C1QTNF7: variants seen among roughly 807,000 people sequenced by gnomAD.
C1QTNF7 encodes C1q and TNF related 7.
A neutral mutation model predicts 19.6 loss-of-function variants in C1QTNF7; 15 were observed. That is an observed-to-expected ratio of 0.76 (90% CI 0.51 to 1.18). The LOEUF (loss-of-function observed/expected upper bound fraction) is 1.18, where lower values mean the gene tolerates loss of function less well. C1QTNF7 is among the 50% of genes most tolerant of loss of function. The probability of loss-of-function intolerance (pLI) is 0.00; values close to 1 mark genes in which losing one functional copy is unlikely to be tolerated. For synonymous variants in C1QTNF7, 142 were observed against 137.5 expected (o/e 1.03, Z -0.23); for missense variants, 324 against 359.7 (o/e 0.90, Z 0.80).
At chr4:15,395,247 C>T (rs942487158) in intron 1 of C1QTNF7, among the ~76,000 whole-genome samples, 1 of 152,130 alleles carries the variant, frequency 6.6e-6, no homozygotes, top group African/African-American at 2.4e-5. Context: ...TTGTCTGGTG[C>T]CTGGCCCTGG....
chr4:15,435,598 T>A, intron 1 of C1QTNF7, 138 bp from the exon 2 acceptor site: 1 of 1,240,184 alleles, frequency 8.1e-7, no homozygotes, highest in Non-Finnish European at 1.1e-6. Context: ...GTAAACAGTG[T>A]TTTACATGTC....
intron 2 of C1QTNF7, 146 bp downstream of exon 2, chr4:15,436,127 G>A: frequency 9.0e-7 from 1 of 1,106,488 alleles, no homozygotes; most frequent in Non-Finnish European, 1.3e-6. Context: ...CCCTTACTAG[G>A]CTTCAGATGC....
intron 1 of C1QTNF7, among the ~76,000 whole-genome samples, chr4:15,376,508 A>G (rs1055774517): frequency 6.6e-5 from 10 of 152,204 alleles, no homozygotes; most frequent in African/African-American, 2.4e-4. Context: ...GTTCCCTTAC[A>G]ATAAAATAGA....
chr4:15,343,971 G>T (rs1255152392), intron 1 of C1QTNF7, among the ~76,000 whole-genome samples: 1 of 152,236 alleles, frequency 6.6e-6, no homozygotes, highest in African/African-American at 2.4e-5. Flanking sequence ...AGGTCCATGT[G>T]ATTCTCTGTA....
upstream of C1QTNF7, among the ~76,000 whole-genome samples, chr4:15,425,490 G>C (rs562468269): frequency 6.6e-6 from 1 of 152,288 alleles, no homozygotes; most frequent in South Asian, 2.1e-4. Flanking sequence ...GCAAGGCACT[G>C]AGGTTACAAA....
At chr4:15,388,853 T>C (rs770977345) in intron 1 of C1QTNF7, among the ~76,000 whole-genome samples, 1 of 152,140 alleles carries the variant, frequency 6.6e-6, no homozygotes, top group Non-Finnish European at 1.5e-5. Context: ...GTAGATGGCA[T>C]CATCCAGGAG....
intron 1 of C1QTNF7, among the ~76,000 whole-genome samples, chr4:15,401,981 AAACTT>A (rs1191924216): frequency 6.6e-6 from 1 of 152,188 alleles, no homozygotes; most frequent in South Asian, 2.1e-4. Flanking sequence ...GAACAGGAAA[AAACTT>A]AAAGTCAATT....
At chr4:15,404,194 T>C (rs1203460508) in intron 1 of C1QTNF7, among the ~76,000 whole-genome samples, 1 of 152,210 alleles carries the variant, frequency 6.6e-6, no homozygotes, top group African/African-American at 2.4e-5. Context: ...TGTTTTTATA[T>C]ATATTTTTAA....
intron 1 of C1QTNF7, 119 bp from the exon 2 acceptor site, chr4:15,435,617 C>CAT: frequency 7.2e-7 from 1 of 1,396,224 alleles, no homozygotes; most frequent in Non-Finnish European, 9.8e-7. Context: ...TCTGGAAAGA[C>CAT]GAACACTGGA....
intron 1 of C1QTNF7, among the ~76,000 whole-genome samples, chr4:15,401,543 G>C (rs1012336376): frequency 2.0e-4 from 30 of 152,308 alleles, no homozygotes; most frequent in Admixed American, 2.0e-3. Context: ...TATTGCAAGA[G>C]GGGGGAAACA....
intron 1 of C1QTNF7, among the ~76,000 whole-genome samples, chr4:15,405,022 C>T (rs1216573818): frequency 1.3e-5 from 2 of 152,064 alleles, no homozygotes; most frequent in Non-Finnish European, 2.9e-5. Flanking sequence ...TTTCTCAATC[C>T]TAAGTGTATC....
Position 15,442,036 on chromosome 4 carries a change from T to C in C1QTNF7, c.239-132T>C. The C allele has an allele frequency of 4.4e-6, 4 of 916,710 alleles. No homozygotes were observed. The South Asian group carries it at 7.0e-5, about 16-fold the overall frequency. The allele number at this position is 916,710 out of a possible 1,614,324, so 56.8% of individuals were successfully genotyped here. ...ACTCCATCTCAAAAAAAAAAAAGTT[T>C]ATTATTTAGTAGTACACTGTTAAAT... is the stretch of plus-strand genomic sequence containing the variant. On this transcript the variant is annotated intron_variant, in intron 2 of 2. Transcript: ENST00000444304.
At chr4:15,425,368 G>A (rs1577276259), upstream of C1QTNF7, among the ~76,000 whole-genome samples, 1 of 152,214 alleles carries the variant, frequency 6.6e-6, no homozygotes, top group South Asian at 2.1e-4. Flanking sequence ...AGAATATCAG[G>A]GAGACTTTCT....
chr4:15,440,933 G>A (rs912465830), intron 2 of C1QTNF7, among the ~76,000 whole-genome samples: 51 of 152,098 alleles, frequency 3.4e-4, no homozygotes, highest in African/African-American at 1.2e-3. Context: ...CTGAGGTCAG[G>A]AGTTCGAGAC....
rs188921917 is a variant in C1QTNF7, at chr4:15,403,578, C to T, written c.14-32158C>T. Reference sequence around the variant, plus strand: ...CACCTTCTTTTCTGTCTCTTTTCCCCTTCTTTTCTCAGGATACATTGGATT... The same window carrying T: ...CACCTTCTTTTCTGTCTCTTTTCCCTTTCTTTTCTCAGGATACATTGGATT... On this transcript the variant is annotated intron_variant, in intron 1 of 2. Transcript: ENST00000295297. 7.2e-5 allele frequency among the ~76,000 whole-genome samples: 11 copies of T among 152,246 alleles called. No individual in the cohort carries two copies. In the East Asian group the frequency reaches 2.1e-3, roughly 29 times the overall value.
intron 1 of C1QTNF7, among the ~76,000 whole-genome samples, chr4:15,408,042 G>A (rs1226573502): frequency 2.6e-5 from 4 of 152,100 alleles, no homozygotes; most frequent in Non-Finnish European, 5.9e-5. Context: ...GCCGAGGCAG[G>A]CGGATCATGA....
At chr4:15,437,352 T>C (rs1290226655) in intron 2 of C1QTNF7, among the ~76,000 whole-genome samples, 1 of 151,878 alleles carries the variant, frequency 6.6e-6, no homozygotes, top group Non-Finnish European at 1.5e-5. Context: ...GTAATAAGGG[T>C]GATTGTTAAG....
chr4:15,435,143 G>C (rs1184837817), intron 1 of C1QTNF7, among the ~76,000 whole-genome samples: 1 of 152,114 alleles, frequency 6.6e-6, no homozygotes, highest in Non-Finnish European at 1.5e-5. Flanking sequence ...ATCTATAATG[G>C]GGGTTCTGTA....
At chr4:15,442,115 T>C in intron 2 of C1QTNF7, 53 bp from the exon 3 acceptor site, 1 of 1,529,540 alleles carries the variant, frequency 6.5e-7, no homozygotes, top group Admixed American at 2.1e-5. Context: ...GTATATTGTT[T>C]GTGATTATAT....
Sources: gnomAD v4.1 joint callset for allele counts (sites outside exome capture counted in the v4.1 genomes callset) on GRCh38, gnomAD v4.1.1 for gene constraint, MANE v1.5 for transcripts, NCBI Gene and HGNC (gene_info 2026-07-23, HGNC 2026-07-21) for gene names.